Variants in TBC1D1 observed in about 807,000 individuals in gnomAD.
The protein encoded by TBC1D1 is TBC1 domain family member 1.
A neutral mutation model predicts 125.6 loss-of-function variants in TBC1D1; 89 were observed. The ratio of observed to expected loss-of-function variants is 0.71; its 90% confidence interval spans 0.60 to 0.85. The LOEUF is 0.85. Ranked by LOEUF, TBC1D1 falls within the 40% of genes least tolerant of loss-of-function variation. The probability of loss-of-function intolerance (pLI) is 0.00; values close to 1 mark genes in which losing one functional copy is unlikely to be tolerated. For synonymous variants in TBC1D1, 565 were observed against 564.1 expected, an observed-to-expected ratio of 1.00 and a Z score of -0.02; for missense variants, 1,377 against 1,469.2, an observed-to-expected ratio of 0.94 and a Z score of 1.03.
At chr4:37,976,621 A>G (rs894772346) in intron 2 of TBC1D1, among the ~76,000 whole-genome samples, 1 of 152,018 alleles carries the variant, frequency 6.6e-6, no homozygotes, top group African/African-American at 2.4e-5. Context: ...TGACACATGC[A>G]TAACACATCA....
At chr4:38,041,211 C>T (rs781745695) in intron 8 of TBC1D1, among the ~76,000 whole-genome samples, 1 of 152,116 alleles carries the variant, frequency 6.6e-6, no homozygotes, top group Non-Finnish European at 1.5e-5. Context: ...ATAAGGTCTT[C>T]GAACAGCAGA....
chr4:37,919,164 G>C (rs921671089), intron 2 of TBC1D1, among the ~76,000 whole-genome samples: 1 of 151,268 alleles, frequency 6.6e-6, no homozygotes, highest in African/African-American at 2.4e-5. Flanking sequence ...GAATTTTAAA[G>C]TTATAGATTT....
intron 12 of TBC1D1, among the ~76,000 whole-genome samples, chr4:38,062,990 C>A (rs940976586): frequency 3.9e-5 from 6 of 152,160 alleles, no homozygotes; most frequent in African/African-American, 1.4e-4. Context: ...GATGCTACAG[C>A]ACCTGACAGC....
chr4:37,976,236 AC>A (rs1733049180), intron 2 of TBC1D1, among the ~76,000 whole-genome samples: 2 of 152,230 alleles, frequency 1.3e-5, no homozygotes, highest in African/African-American at 4.8e-5. Flanking sequence ...TACGGGCAAC[AC>A]CTATGTGAAT....
chr4:38,043,333 C>A (rs1223158541), intron 8 of TBC1D1, among the ~76,000 whole-genome samples: 1 of 151,886 alleles, frequency 6.6e-6, no homozygotes, highest in East Asian at 1.9e-4. Context: ...TGTGGTAGCT[C>A]ACTCCTGTAA....
intron 2 of TBC1D1, among the ~76,000 whole-genome samples, chr4:37,916,649 T>A (rs1304322138): frequency 6.6e-6 from 1 of 152,196 alleles, no homozygotes; most frequent in African/African-American, 2.4e-5. Flanking sequence ...CTCAAGAGTA[T>A]GCAAATCAGG....
intron 7 of TBC1D1, chr4:38,030,466 G>C (rs1745914773): frequency 6.6e-6 from 1 of 152,246 alleles, no homozygotes; most frequent in Admixed American, 6.5e-5. Context: ...TGTGAGTGTG[G>C]CTGTTCCTTG....
intron 15 of TBC1D1, among the ~76,000 whole-genome samples, chr4:38,104,932 T>C (rs2152561451): frequency 6.6e-6 from 1 of 152,150 alleles, no homozygotes; most frequent in South Asian, 2.1e-4. Context: ...ATTTTTTGTA[T>C]TTTTAGTAGA....
chr4:38,077,943 T>C (rs186355159), intron 12 of TBC1D1, among the ~76,000 whole-genome samples: 25 of 152,288 alleles, frequency 1.6e-4, no homozygotes, highest in African/African-American at 3.1e-4. Flanking sequence ...TTGTCCTGTG[T>C]TGACAAGGAA....
intron 14 of TBC1D1, among the ~76,000 whole-genome samples, chr4:38,099,321 AT>A (rs1759898488): frequency 6.6e-6 from 1 of 152,228 alleles, no homozygotes; most frequent in South Asian, 2.1e-4. Flanking sequence ...AAGTTGTTAA[AT>A]GAAAAGAGTA....
intron 2 of TBC1D1, among the ~76,000 whole-genome samples, chr4:37,970,524 C>T (rs886673928): frequency 6.6e-6 from 1 of 152,240 alleles, no homozygotes; most frequent in Non-Finnish European, 1.5e-5. Flanking sequence ...TGGCCTGAAA[C>T]CAGCCAGGAA....
At chr4:38,091,189 C>G (rs1758363610) in intron 13 of TBC1D1, among the ~76,000 whole-genome samples, 1 of 152,268 alleles carries the variant, frequency 6.6e-6, no homozygotes, top group African/African-American at 2.4e-5. Context: ...TATCTTTTGA[C>G]TGAAAACAGA....
At chr4:37,993,901 A>G (rs1014596991) in intron 2 of TBC1D1, among the ~76,000 whole-genome samples, 1 of 152,252 alleles carries the variant, frequency 6.6e-6, no homozygotes, top group Non-Finnish European at 1.5e-5. Flanking sequence ...CTTTGAGCAC[A>G]TTCCCAGCAT....
chr4:37,922,380 T>C (rs1721189581), intron 2 of TBC1D1, among the ~76,000 whole-genome samples: 1 of 152,210 alleles, frequency 6.6e-6, no homozygotes, highest in Admixed American at 6.5e-5. Context: ...GCTAACCTCC[T>C]GATTTTCATT....
chr4:38,104,190 G>A (rs906155063), intron 15 of TBC1D1, among the ~76,000 whole-genome samples: 3 of 147,166 alleles, frequency 2.0e-5, no homozygotes, highest in African/African-American at 7.5e-5. Context: ...AAAAGTGTAT[G>A]GGAGGATGTG....
chr4:38,016,052 T>C (rs79014890), intron 3 of TBC1D1, among the ~76,000 whole-genome samples: 1,981 of 152,286 alleles, frequency 0.013, 41 homozygotes, highest in African/African-American at 0.045. Flanking sequence ...TGTGCTAACG[T>C]CCCTTGCCAC....
chr4:38,115,824 A>C lies in TBC1D1; in HGVS notation c.2672A>C (p.Gln891Pro). The C allele has an allele frequency of 4.3e-6, 7 of 1,614,182 alleles. No individual in the cohort carries two copies. The highest frequency in any genetic ancestry group is 5.9e-6 in the Non-Finnish European group (7 of 1,180,032). Reference sequence around the variant, plus strand: ...CTAGACCAGGAAGTGGGATATTGCCAAGGTCTCAGCTTTGTAGCAGGCATT... The same window carrying C: ...CTAGACCAGGAAGTGGGATATTGCCCAGGTCTCAGCTTTGTAGCAGGCATT... Residue 891 changes from glutamine to proline, a missense_variant, in exon 16 of 20, where the codon CAA becomes CCA. Transcript: ENST00000261439.
At chr4:38,006,727 C>T (rs951865352) in intron 2 of TBC1D1, 3 of 383,224 alleles carry the variant, frequency 7.8e-6, no homozygotes, top group South Asian at 4.4e-5. Flanking sequence ...GATCCGCCCA[C>T]CTTGGCCTCC....
At chr4:38,132,747 G>A (rs1560279667) in intron 18 of TBC1D1, 1 of 174,268 alleles carries the variant, frequency 5.7e-6, no homozygotes, top group Admixed American at 6.6e-5. Flanking sequence ...AATTTTCAGA[G>A]AAAAGAAGTG....
Sources: allele counts gnomAD v4.1 joint callset (sites outside exome capture counted in the v4.1 genomes callset), GRCh38; gene constraint gnomAD v4.1.1; transcripts MANE v1.5; gene names NCBI Gene and HGNC (gene_info 2026-07-23, HGNC 2026-07-21).